The following MSH3 variants were observed in gnomAD, a reference collection of about 807,000 sequenced individuals.
MSH3 encodes mutS homolog 3, also known as DNA mismatch repair protein Msh3.
MSH3 carries 106 observed loss-of-function variants against 123.3 expected under a neutral mutation model. The ratio of observed to expected loss-of-function variants is 0.86; its 90% CI spans 0.73 to 1.01. The LOEUF (loss-of-function observed/expected upper bound fraction) is 1.01, where lower values mean the gene tolerates loss of function less well. Among genes scored for constraint, MSH3 ranks in the 50% least tolerant of loss-of-function variants. The pLI, the probability that MSH3 is intolerant of heterozygous loss-of-function variation, is 0.00. For missense variants in MSH3, 1,459 were observed against 1,347.6 expected, an observed-to-expected ratio of 1.08 and a Z score of -1.29; for synonymous variants, 515 against 481.4, an observed-to-expected ratio of 1.07 and a Z score of -0.91.
At chr5:80,814,417 G>A (rs981570135) in intron 20 of MSH3, among the ~76,000 whole-genome samples, 3 of 152,122 alleles carry the variant, frequency 2.0e-5, no homozygotes, top group Non-Finnish European at 2.9e-5. Context: ...GATTACAGGT[G>A]CCTGCCACCA....
intron 19 of MSH3, among the ~76,000 whole-genome samples, chr5:80,805,249 A>C (rs1430801680): frequency 1.2e-4 from 18 of 152,242 alleles, no homozygotes; most frequent in African/African-American, 2.4e-5. Flanking sequence ...ACCTGAGACC[A>C]AAATAGCCAA....
intron 10 of MSH3, among the ~76,000 whole-genome samples, chr5:80,741,161 C>T (rs905657940): frequency 6.6e-6 from 1 of 152,074 alleles, no homozygotes; most frequent in Admixed American, 6.5e-5. Context: ...TGATAAAAGA[C>T]CATGTTTGGT....
intron 8 of MSH3, among the ~76,000 whole-genome samples, chr5:80,702,963 G>A (rs1451656160): frequency 6.6e-6 from 1 of 152,142 alleles, no homozygotes; most frequent in African/African-American, 2.4e-5. Context: ...AGTGAGCCGA[G>A]ATCATGCCAC....
At chr5:80,785,654 G>T (rs1404217972) in intron 17 of MSH3, among the ~76,000 whole-genome samples, 1 of 151,902 alleles carries the variant, frequency 6.6e-6, no homozygotes, top group Non-Finnish European at 1.5e-5. Context: ...TATACCCAAA[G>T]GACTATAAAT....
At position 80,875,960 on chromosome 5, in the gene MSH3, G is replaced by A. The variant is rs1366832304; in HGVS notation, c.*98G>A. ...CAGCCTATCTTTGTGTGACATGTGA[G>A]CATAAAATTATGACCATGGTATATT... On this transcript the variant is annotated 3_prime_UTR_variant, in exon 24 of 24. Transcript: ENST00000265081. The A allele has an allele frequency of 3.9e-6, 3 of 768,884 alleles. No homozygotes were observed. The highest frequency in any genetic ancestry group is 1.7e-5 in the African/African-American group (1 of 57,564). The allele number at this position is 768,884 out of a possible 1,614,324, so 47.6% of individuals were successfully genotyped here.
At chr5:80,840,430 C>CT (rs201862193) in intron 20 of MSH3, among the ~76,000 whole-genome samples, 3,003 of 149,408 alleles carry the variant, frequency 0.02, 52 homozygotes, top group Middle Eastern at 0.038. Flanking sequence ...CTTGAATATT[C>CT]TTTTTTTTTT....
At chr5:80,763,437 A>G (rs1454324445) in intron 13 of MSH3, among the ~76,000 whole-genome samples, 1 of 152,244 alleles carries the variant, frequency 6.6e-6, no homozygotes, top group African/African-American at 2.4e-5. Context: ...TTTGCTGGCA[A>G]TAGCAGAAGC....
At chr5:80,738,343 T>A (rs754255524) in intron 10 of MSH3, among the ~76,000 whole-genome samples, 1 of 152,242 alleles carries the variant, frequency 6.6e-6, no homozygotes, top group Non-Finnish European at 1.5e-5. Context: ...TCTCTAGCTC[T>A]ATGAAATTAC....
rs1162640477 is a variant in MSH3 at position 80,715,564 on chromosome 5, T to A, written c.1341-9889T>A. On this transcript the variant is annotated intron_variant, in intron 8 of 23. Coordinates refer to ENST00000265081, the MANE Select transcript of MSH3 (RefSeq NM_002439.5). ...TGTGCTCTGTTGTATTAGTTTGTTC[T>A]TGCACTGCTATAAAGAACTACCTGA... 2.6e-5 allele frequency among the ~76,000 whole-genome samples: 4 copies of A among 152,230 alleles called. No individual in the cohort carries two copies. In the East Asian group the frequency reaches 5.8e-4, roughly 22 times the overall value.
At chr5:80,793,596 G>GAACCAGCAT (rs1296846205) in intron 19 of MSH3, among the ~76,000 whole-genome samples, 1 of 152,160 alleles carries the variant, frequency 6.6e-6, no homozygotes, top group Non-Finnish European at 1.5e-5. Context: ...AGGTATTGAA[G>GAACCAGCAT]GGGAGTATTC....
chr5:80,808,887 A>ATCTATAT (rs1343096449), intron 19 of MSH3, among the ~76,000 whole-genome samples: 2 of 85,778 alleles, frequency 2.3e-5, no homozygotes, highest in African/African-American at 7.6e-5. Flanking sequence ...ATATATACAC[A>ATCTATAT]ATCTAAATTC....
At chr5:80,755,237 C>T (rs559393168) in intron 12 of MSH3, among the ~76,000 whole-genome samples, 22 of 152,236 alleles carry the variant, frequency 1.4e-4, no homozygotes, top group Admixed American at 1.2e-3. Context: ...CTGTTTGTCC[C>T]GACTGTCAGT....
At chr5:80,837,342 G>T (rs1489558948) in intron 20 of MSH3, among the ~76,000 whole-genome samples, 1 of 152,136 alleles carries the variant, frequency 6.6e-6, no homozygotes, top group Non-Finnish European at 1.5e-5. Flanking sequence ...ACTTTGGGAG[G>T]CTGAGGCAGG....
intron 21 of MSH3, among the ~76,000 whole-genome samples, chr5:80,863,809 A>G (rs958931635): frequency 6.6e-6 from 1 of 152,192 alleles, no homozygotes; most frequent in Non-Finnish European, 1.5e-5. Context: ...ATGGAAAGGA[A>G]TGTTCAGGTT....
Position 80,876,641 on chromosome 5 carries a change from A to AG in MSH3, c.*780dup, listed in dbSNP as rs1279047769. The stretch of plus-strand genomic sequence containing the variant: ...AAGACTCCATCTCAAAAAAAAAAAA[A>AG]GAAAAAAGAAAAGAAATAGAATTAT... On this transcript the variant is annotated 3_prime_UTR_variant, in exon 24 of 24. Coordinates refer to ENST00000265081, the MANE Select transcript of MSH3 (RefSeq NM_002439.5). 4.0e-5 allele frequency among the ~76,000 whole-genome samples: 6 copies of AG among 150,188 alleles called. No individual in the cohort carries two copies. The highest frequency in any genetic ancestry group is 7.4e-5 in the Non-Finnish European group (5 of 67,306).
At chr5:80,804,977 C>CT (rs1165819210) in intron 19 of MSH3, among the ~76,000 whole-genome samples, 1 of 152,182 alleles carries the variant, frequency 6.6e-6, no homozygotes, top group Non-Finnish European at 1.5e-5. Context: ...CAATAGGGAT[C>CT]TTTTTGGTCA....
chr5:80,722,856 G>T (rs1751111577), intron 8 of MSH3, among the ~76,000 whole-genome samples: 1 of 152,188 alleles, frequency 6.6e-6, no homozygotes, highest in African/African-American at 2.4e-5. Context: ...CATAATCCCA[G>T]CACTTTGGGA....
chr5:80,856,433 C>T (rs1319430335), intron 21 of MSH3, among the ~76,000 whole-genome samples: 8 of 151,146 alleles, frequency 5.3e-5, no homozygotes, highest in Non-Finnish European at 1.0e-4. Flanking sequence ...CGATCATTCT[C>T]AGCAAACTAT....
At chr5:80,850,557 C>CA (rs575199381) in intron 20 of MSH3, among the ~76,000 whole-genome samples, 72 of 152,276 alleles carry the variant, frequency 4.7e-4, no homozygotes, top group African/African-American at 1.7e-3. Context: ...CAGGCAAAGA[C>CA]AGAGATTGTG....
Sources: allele counts gnomAD v4.1 joint callset (sites outside exome capture counted in the v4.1 genomes callset), GRCh38; gene constraint gnomAD v4.1.1; transcripts MANE v1.5; gene names NCBI Gene and HGNC (gene_info 2026-07-23, HGNC 2026-07-21).